Variants in PTPRT observed in about 807,000 individuals in gnomAD.
PTPRT encodes the protein protein tyrosine phosphatase receptor type T.
A neutral mutation model predicts 176.8 loss-of-function variants in PTPRT; 56 were observed. The ratio of observed to expected loss-of-function variants is 0.32; its 90% confidence interval spans 0.26 to 0.40. The LOEUF (loss-of-function observed/expected upper bound fraction) is 0.40, where lower values mean the gene tolerates loss of function less well. Among genes scored for constraint, PTPRT ranks in the 10% least tolerant of loss-of-function variants. PTPRT has a pLI of 1.00. For synonymous variants in PTPRT, 783 were observed against 739.0 expected, an observed-to-expected ratio of 1.06 and a Z score of -0.96; for missense variants, 1,540 against 1,908.2, an observed-to-expected ratio of 0.81 and a Z score of 3.60.
rs537882114 is a variant in PTPRT, at chr20:42,349,772, T to C, written c.1865+856A>G. Among the ~76,000 whole-genome samples the C allele has an allele frequency of 1.3e-4, 20 of 152,246 alleles. No homozygotes were observed. In the South Asian group the frequency reaches 3.9e-3, roughly 30 times the overall value. The stretch of plus-strand genomic sequence containing the variant: ...GGGACTGTAGTCCTCCTTCCTGGAG[T>C]TCTGGGCAAAACCGGCAGTCAATAT... On this transcript the variant is annotated intron_variant, in intron 11 of 30. Transcript: ENST00000373187.
chr20:42,725,896 T>C (rs913038811), intron 6 of PTPRT, among the ~76,000 whole-genome samples: 2 of 151,760 alleles, frequency 1.3e-5, no homozygotes, highest in Non-Finnish European at 2.9e-5. Context: ...ACTCTGACCA[T>C]CCCTCCCTCC....
chr20:42,585,857 C>T (rs1568996935), intron 7 of PTPRT, among the ~76,000 whole-genome samples: 1 of 152,034 alleles, frequency 6.6e-6, no homozygotes, highest in Non-Finnish European at 1.5e-5. Context: ...GTCAAGTGCT[C>T]CAACACAGTT....
At chr20:42,286,029 A>G (rs1337730310) in intron 12 of PTPRT, among the ~76,000 whole-genome samples, 1 of 152,010 alleles carries the variant, frequency 6.6e-6, no homozygotes, top group Non-Finnish European at 1.5e-5. Context: ...CAATTTAACC[A>G]AGGAGGTAAA....
rs1214423774 is a variant in PTPRT at position 43,104,548 on chromosome 20, G to T, written c.88+85098C>A. ...GCCTTCCTTGCAAGGTAATAATATG[G>T]TTTAAATGTGGTGAGACATATTAAA... On this transcript the variant is annotated intron_variant, in intron 1 of 30. Transcript: ENST00000373187. 4.6e-5 allele frequency among the ~76,000 whole-genome samples: 7 copies of T among 152,150 alleles called. No individual in the cohort carries two copies. The East Asian group carries it at 1.2e-3, about 25-fold the overall frequency.
intron 1 of PTPRT, among the ~76,000 whole-genome samples, chr20:43,005,206 G>C (rs56941535): frequency 0.38 from 58,256 of 151,880 alleles, 13,040 homozygotes; most frequent in African/African-American, 0.62. Context: ...TCTTACTGCT[G>C]TAACCACAAA....
At chr20:42,191,659 G>A (rs768596743) in intron 16 of PTPRT, among the ~76,000 whole-genome samples, 34 of 152,214 alleles carry the variant, frequency 2.2e-4, no homozygotes, top group Non-Finnish European at 5.0e-4. Context: ...GAGGGTGTGG[G>A]TGCTGCAGGA....
intron 7 of PTPRT, among the ~76,000 whole-genome samples, chr20:42,487,542 G>A (rs898269953): frequency 1.1e-4 from 16 of 152,154 alleles, no homozygotes; most frequent in Admixed American, 7.8e-4. Context: ...TGGATTATCC[G>A]GGTGGGCCCC....
intron 7 of PTPRT, among the ~76,000 whole-genome samples, chr20:42,592,848 C>G (rs559291748): frequency 6.6e-6 from 1 of 152,298 alleles, no homozygotes; most frequent in East Asian, 1.9e-4. Context: ...GGCAGCCTCT[C>G]CATTTAGCTG....
intron 2 of PTPRT, among the ~76,000 whole-genome samples, chr20:42,876,161 A>G (rs960125180): frequency 2.0e-5 from 3 of 152,216 alleles, no homozygotes; most frequent in African/African-American, 7.2e-5. Flanking sequence ...GTTCAAACTC[A>G]GCATTTTTTA....
intron 11 of PTPRT, among the ~76,000 whole-genome samples, chr20:42,319,331 AT>A (rs928357412): frequency 2.7e-5 from 4 of 145,464 alleles, no homozygotes; most frequent in Admixed American, 6.9e-5. Flanking sequence ...GCTTCCAAGC[AT>A]TTTTTTTTAA....
At chr20:42,257,163 C>T (rs1201444984) in intron 13 of PTPRT, among the ~76,000 whole-genome samples, 2 of 152,234 alleles carry the variant, frequency 1.3e-5, no homozygotes, top group East Asian at 1.9e-4. Flanking sequence ...TTGCCACTTT[C>T]GAGGGGTGTG....
intron 1 of PTPRT, among the ~76,000 whole-genome samples, chr20:43,173,060 C>CG: frequency 6.6e-6 from 1 of 151,964 alleles, no homozygotes; most frequent in East Asian, 1.9e-4. Flanking sequence ...TTAGTAGAGA[C>CG]GGGGGTTTCT....
intron 14 of PTPRT, among the ~76,000 whole-genome samples, chr20:42,248,027 G>A (rs1421583715): frequency 1.3e-5 from 2 of 152,196 alleles, no homozygotes; most frequent in African/African-American, 2.4e-5. Flanking sequence ...GCTTTCGTGA[G>A]AAATGCAACT....
intron 1 of PTPRT, among the ~76,000 whole-genome samples, chr20:42,896,622 C>T (rs1210571416): frequency 8.4e-5 from 12 of 142,660 alleles, no homozygotes; most frequent in South Asian, 4.5e-4. Context: ...GCAACATGAG[C>T]ACAACTCCGT....
At chr20:42,457,647 A>G (rs1399767394) in intron 8 of PTPRT, among the ~76,000 whole-genome samples, 1 of 152,180 alleles carries the variant, frequency 6.6e-6, no homozygotes, top group Non-Finnish European at 1.5e-5. Context: ...ATATTCATAC[A>G]TTACTTGGCT....
At chr20:42,160,910 G>A (rs1989567695) in intron 17 of PTPRT, among the ~76,000 whole-genome samples, 1 of 152,116 alleles carries the variant, frequency 6.6e-6, no homozygotes, top group Non-Finnish European at 1.5e-5. Flanking sequence ...TGAGACAAGA[G>A]GTGACCAAGG....
At chr20:42,676,502 C>T (rs1191101952) in intron 7 of PTPRT, among the ~76,000 whole-genome samples, 4 of 151,914 alleles carry the variant, frequency 2.6e-5, no homozygotes, top group African/African-American at 7.3e-5. Flanking sequence ...GAGCCACACC[C>T]GCCTCCACTA....
intron 12 of PTPRT, among the ~76,000 whole-genome samples, chr20:42,286,984 T>C (rs1479033831): frequency 6.6e-6 from 1 of 151,656 alleles, no homozygotes; most frequent in Non-Finnish European, 1.5e-5. Context: ...AACAAATATA[T>C]AAAAAATGCT....
chr20:42,550,431 A>G (rs867933315), intron 7 of PTPRT, among the ~76,000 whole-genome samples: 27 of 152,170 alleles, frequency 1.8e-4, no homozygotes, highest in Admixed American at 5.9e-4. Flanking sequence ...ATGAACCATG[A>G]AATTATTCTT....
Sources: gnomAD v4.1 joint callset for allele counts (sites outside exome capture counted in the v4.1 genomes callset) on GRCh38, gnomAD v4.1.1 for gene constraint, MANE v1.5 for transcripts, NCBI Gene and HGNC (gene_info 2026-07-23, HGNC 2026-07-21) for gene names.